ACSL5: variants seen among roughly 807,000 people sequenced by gnomAD.
The protein encoded by ACSL5 is acyl-CoA synthetase long chain family member 5.
In ACSL5, 50 loss-of-function variants were observed where a neutral mutation model predicts 84.9. The observed-to-expected ratio is 0.59, with a 90% confidence interval of 0.47 to 0.75. ACSL5 has a LOEUF of 0.75. ACSL5 is among the 30% of genes least tolerant of loss of function. The pLI, the probability that ACSL5 is intolerant of heterozygous loss-of-function variation, is 0.00. For synonymous variants in ACSL5, 280 were observed against 300.7 expected (o/e 0.93, Z 0.71); for missense variants, 775 against 830.4 (o/e 0.93, Z 0.82).
At chr10:112,415,407 G>A (rs1049905829) in intron 12 of ACSL5, among the ~76,000 whole-genome samples, 1 of 152,144 alleles carries the variant, frequency 6.6e-6, no homozygotes, top group East Asian at 1.9e-4. Flanking sequence ...CACCGTGTTA[G>A]CCAGGATGGT....
At chr10:112,395,237 C>A in intron 2 of ACSL5, 135 bp downstream of exon 2, 1 of 857,382 alleles carries the variant, frequency 1.2e-6, no homozygotes, top group Non-Finnish European at 1.7e-6. Context: ...AATCAACAGG[C>A]AATATACAAA....
chr10:112,375,112 A>G (rs1252349489), intron 1 of ACSL5: 2 of 152,062 alleles, frequency 1.3e-5, no homozygotes, highest in African/African-American at 4.8e-5. Flanking sequence ...GTGAAGGAAG[A>G]CAGCACCCGG....
At chr10:112,379,783 C>T (rs533493290) in intron 1 of ACSL5, among the ~76,000 whole-genome samples, 1 of 152,296 alleles carries the variant, frequency 6.6e-6, no homozygotes, top group South Asian at 2.1e-4. Context: ...AAGGGCACGA[C>T]CTTGAAAGTT....
chr10:112,418,632 A>C (rs1388948520), intron 14 of ACSL5, among the ~76,000 whole-genome samples: 1 of 152,194 alleles, frequency 6.6e-6, no homozygotes, highest in Non-Finnish European at 1.5e-5. Context: ...CTTAACTACT[A>C]GTAGACTACT....
At chr10:112,406,953 G>C (rs1200366896) in intron 5 of ACSL5, among the ~76,000 whole-genome samples, 1 of 152,132 alleles carries the variant, frequency 6.6e-6, no homozygotes, top group East Asian at 1.9e-4. Context: ...GGTTTAATTG[G>C]ACTTACAGTT....
At chr10:112,422,155 C>A in intron 16 of ACSL5, 120 bp downstream of exon 16, 2 of 1,220,432 alleles carry the variant, frequency 1.6e-6, no homozygotes, top group Non-Finnish European at 2.4e-6. Flanking sequence ...AAGAATTAAG[C>A]ATTCTGAACT....
chr10:112,395,134 A>G (rs755810195), intron 2 of ACSL5, 32 bp downstream of exon 2: 9 of 1,597,994 alleles, frequency 5.6e-6, no homozygotes, highest in Middle Eastern at 3.3e-4. Context: ...TAGTTTGTCA[A>G]CCTTCCTCAA....
intron 1 of ACSL5, among the ~76,000 whole-genome samples, chr10:112,382,251 G>A (rs1336710164): frequency 1.3e-5 from 2 of 152,198 alleles, no homozygotes; most frequent in South Asian, 2.1e-4. Flanking sequence ...GGAAGACTCC[G>A]CCGACCCTGT....
chr10:112,403,076 G>C (rs1843943275), intron 3 of ACSL5, among the ~76,000 whole-genome samples: 1 of 152,218 alleles, frequency 6.6e-6, no homozygotes, highest in Admixed American at 6.5e-5. Flanking sequence ...ACAAATGCAT[G>C]AGTGTGTGCA....
At chr10:112,425,616 AGTT>A in intron 18 of ACSL5, 135 bp downstream of exon 18, 1 of 807,090 alleles carries the variant, frequency 1.2e-6, no homozygotes, top group Non-Finnish European at 1.8e-6. Context: ...AAAAAAATGA[AGTT>A]ACATTCCAAA....
At chr10:112,376,543 A>C in intron 1 of ACSL5, 1 of 1,550,738 alleles carries the variant, frequency 6.4e-7, no homozygotes, top group Non-Finnish European at 8.8e-7. Flanking sequence ...ACTTTCTTTA[A>C]GCGACTTAGA....
intron 1 of ACSL5, among the ~76,000 whole-genome samples, chr10:112,381,521 C>T (rs561471573): frequency 5.9e-5 from 9 of 151,868 alleles, no homozygotes; most frequent in Admixed American, 5.3e-4. Flanking sequence ...AAAAATTAGC[C>T]GGATGTGATG....
chr10:112,397,518 A>G (rs1003205432), intron 2 of ACSL5, among the ~76,000 whole-genome samples: 2 of 150,216 alleles, frequency 1.3e-5, no homozygotes, highest in African/African-American at 4.9e-5. Flanking sequence ...TGCCCACCCA[A>G]CTCTGCGCTG....
At chr10:112,378,263 G>A (rs2133556238) in intron 1 of ACSL5, among the ~76,000 whole-genome samples, 1 of 108,562 alleles carries the variant, frequency 9.2e-6, no homozygotes, top group South Asian at 3.6e-4. Context: ...TTTTTTGGAG[G>A]AGCCTCACTC....
At chr10:112,375,064 A>T (rs901553857) in intron 1 of ACSL5, among the ~76,000 whole-genome samples, 48 of 139,100 alleles carry the variant, frequency 3.5e-4, no homozygotes, top group South Asian at 1.2e-3. Flanking sequence ...AAAAAAAAAG[A>T]AATAAAACCT....
At chr10:112,384,676 T>A (rs1303571310) in intron 1 of ACSL5, among the ~76,000 whole-genome samples, 1 of 152,026 alleles carries the variant, frequency 6.6e-6, no homozygotes, top group African/African-American at 2.4e-5. Context: ...CGAGGCTAAT[T>A]TTTGTATTTT....
chr10:112,388,218 G>A (rs1181715110), intron 1 of ACSL5, among the ~76,000 whole-genome samples: 10 of 152,188 alleles, frequency 6.6e-5, no homozygotes, highest in African/African-American at 2.2e-4. Flanking sequence ...GGGATTACAG[G>A]CGTGAGTCAC....
chr10:112,399,134 A>G (rs1843816760), intron 3 of ACSL5, 125 bp downstream of exon 3: 3 of 776,550 alleles, frequency 3.9e-6, no homozygotes, highest in Non-Finnish European at 6.5e-6. Context: ...GAATCGCAAC[A>G]TGCAAAATAG....
chr10:112,424,505 A>G (rs1395413553), intron 17 of ACSL5: 1 of 152,262 alleles, frequency 6.6e-6, no homozygotes, highest in Non-Finnish European at 1.5e-5. Flanking sequence ...ACAGAATTAA[A>G]TAACACTCTA....
Sources: allele counts gnomAD v4.1 joint callset (sites outside exome capture counted in the v4.1 genomes callset), GRCh38; gene constraint gnomAD v4.1.1; transcripts MANE v1.5; gene names NCBI Gene and HGNC (gene_info 2026-07-23, HGNC 2026-07-21).